The following CDH13 variants were observed in gnomAD, a reference collection of about 807,000 sequenced individuals.
CDH13 encodes cadherin-13.
Under a neutral mutation model 63.8 loss-of-function variants are expected in CDH13, and 24 were observed. That is an observed-to-expected ratio of 0.38 (90% CI 0.27 to 0.53). CDH13 has a LOEUF of 0.53. Among genes scored for constraint, CDH13 ranks in the 20% least tolerant of loss-of-function variants. The probability of loss-of-function intolerance (pLI) is 0.85; values close to 1 mark genes in which losing one functional copy is unlikely to be tolerated. For missense variants in CDH13, 1,049 were observed against 903.1 expected (o/e 1.16, Z -2.07); for synonymous variants, 503 against 355.3 (o/e 1.42, Z -4.67).
At chr16:83,421,574 C>T (rs2071715007) in intron 6 of CDH13, among the ~76,000 whole-genome samples, 1 of 152,218 alleles carries the variant, frequency 6.6e-6, no homozygotes, top group Non-Finnish European at 1.5e-5. Context: ...AGAGAAGATT[C>T]ATGATCTTTT....
chr16:82,808,897 A>G (rs1301070032), intron 1 of CDH13, among the ~76,000 whole-genome samples: 10 of 152,294 alleles, frequency 6.6e-5, no homozygotes, highest in Non-Finnish European at 1.5e-4. Flanking sequence ...GCGTTTCTGT[A>G]GTGAGCATCC....
chr16:83,248,906 T>C (rs1450155987), intron 5 of CDH13, among the ~76,000 whole-genome samples: 1 of 152,204 alleles, frequency 6.6e-6, no homozygotes, highest in East Asian at 1.9e-4. Context: ...TTCCCCTTGG[T>C]GCATATCCAA....
intron 2 of CDH13, among the ~76,000 whole-genome samples, chr16:82,934,258 C>G (rs932533940): frequency 3.3e-5 from 5 of 152,360 alleles, no homozygotes; most frequent in East Asian, 3.9e-4. Context: ...TCTGCAGGCT[C>G]AACACCACAT....
intron 3 of CDH13, among the ~76,000 whole-genome samples, chr16:83,078,117 G>A (rs146701031): frequency 1.2e-4 from 19 of 152,292 alleles, no homozygotes; most frequent in East Asian, 7.7e-4. Context: ...GACTGCTCAC[G>A]CGTGCATGGT....
intron 1 of CDH13, among the ~76,000 whole-genome samples, chr16:82,742,955 T>C (rs1391767933): frequency 1.3e-5 from 2 of 152,190 alleles, no homozygotes; most frequent in African/African-American, 2.4e-5. Context: ...TTTAAGTGCA[T>C]AAAATTACTA....
chr16:82,764,325 C>T (rs2034967175), intron 1 of CDH13, among the ~76,000 whole-genome samples: 1 of 152,118 alleles, frequency 6.6e-6, no homozygotes, highest in Admixed American at 6.5e-5. Flanking sequence ...TTGCTACTTA[C>T]CTACTAGAAA....
intron 10 of CDH13, among the ~76,000 whole-genome samples, chr16:83,698,853 C>T (rs957676517): frequency 5.9e-5 from 9 of 152,210 alleles, no homozygotes; most frequent in African/African-American, 9.7e-5. Flanking sequence ...ACTCGACCAT[C>T]GTAATCCAAA....
chr16:82,983,983 A>G (rs1243383723), intron 2 of CDH13, among the ~76,000 whole-genome samples: 1 of 152,222 alleles, frequency 6.6e-6, no homozygotes, highest in Non-Finnish European at 1.5e-5. Context: ...CATAGATACA[A>G]GGACTTTCTG....
At chr16:83,045,351 T>C (rs917430497) in intron 3 of CDH13, among the ~76,000 whole-genome samples, 2 of 151,910 alleles carry the variant, frequency 1.3e-5, no homozygotes, top group Non-Finnish European at 2.9e-5. Flanking sequence ...CTGTAAGAGA[T>C]GGGTTGGCTG....
At chr16:83,644,654 A>G (rs1484702018) in intron 8 of CDH13, among the ~76,000 whole-genome samples, 4 of 152,208 alleles carry the variant, frequency 2.6e-5, no homozygotes, top group Non-Finnish European at 5.9e-5. Flanking sequence ...ATGGGCTGCC[A>G]TACAGAGGAT....
intron 4 of CDH13, among the ~76,000 whole-genome samples, chr16:83,198,108 C>T (rs1163218291): frequency 6.6e-6 from 1 of 152,050 alleles, no homozygotes; most frequent in African/African-American, 2.4e-5. Flanking sequence ...GAGCATCTTG[C>T]TTTCTACCTT....
intron 4 of CDH13, among the ~76,000 whole-genome samples, chr16:83,127,500 C>T (rs1010645790): frequency 3.3e-5 from 5 of 152,102 alleles, no homozygotes; most frequent in Non-Finnish European, 5.9e-5. Context: ...GACGCTGAGG[C>T]GGGAGGATCA....
At chr16:83,059,936 G>A (rs1200298664) in intron 3 of CDH13, among the ~76,000 whole-genome samples, 1 of 151,672 alleles carries the variant, frequency 6.6e-6, no homozygotes, top group Non-Finnish European at 1.5e-5. Context: ...TGGGACTACA[G>A]GTGCCCGCCA....
intron 6 of CDH13, among the ~76,000 whole-genome samples, chr16:83,381,566 A>T (rs919064688): frequency 6.6e-6 from 1 of 151,860 alleles, no homozygotes; most frequent in Non-Finnish European, 1.5e-5. Context: ...TCTCTTCCCA[A>T]TTATTAAGCA....
intron 2 of CDH13, among the ~76,000 whole-genome samples, chr16:82,933,245 G>T (rs1361924099): frequency 6.6e-6 from 1 of 152,158 alleles, no homozygotes; most frequent in African/African-American, 2.4e-5. Flanking sequence ...GAAAGTTACA[G>T]TATGGCCGAA....
intron 2 of CDH13, among the ~76,000 whole-genome samples, chr16:83,001,555 A>G (rs1471225869): frequency 6.6e-6 from 1 of 152,242 alleles, no homozygotes; most frequent in African/African-American, 2.4e-5. Context: ...TAATTTAAGA[A>G]AAAGAGAAAT....
chr16:82,786,434 AGTTTT>A (rs1369433833), intron 1 of CDH13, among the ~76,000 whole-genome samples: 1 of 82,656 alleles, frequency 1.2e-5, no homozygotes, highest in African/African-American at 4.1e-5. Flanking sequence ...ATCAGAAAAC[AGTTTT>A]TTTTTTTTTT....
chr16:83,070,678 T>C (rs1415117478), intron 3 of CDH13, among the ~76,000 whole-genome samples: 2 of 152,142 alleles, frequency 1.3e-5, no homozygotes, highest in African/African-American at 4.8e-5. Flanking sequence ...AAGAAGATGA[T>C]TGACCTTCAA....
At chr16:82,881,933 G>A (rs1040286888) in intron 2 of CDH13, among the ~76,000 whole-genome samples, 2 of 152,158 alleles carry the variant, frequency 1.3e-5, no homozygotes, top group Non-Finnish European at 2.9e-5. Flanking sequence ...TTACTCTGCT[G>A]TTTAACCTGC....
Sources: gnomAD v4.1 joint callset for allele counts (sites outside exome capture counted in the v4.1 genomes callset) on GRCh38, gnomAD v4.1.1 for gene constraint, MANE v1.5 for transcripts, NCBI Gene and HGNC (gene_info 2026-07-23, HGNC 2026-07-21) for gene names.